DNAH11: variants seen among roughly 807,000 people sequenced by gnomAD.
DNAH11 encodes axonemal beta dynein heavy chain 11.
In DNAH11, 442 loss-of-function variants were observed where a neutral mutation model predicts 526.0. The observed-to-expected ratio is 0.84, with a 90% CI of 0.78 to 0.91. The LOEUF is 0.91. Ranked by LOEUF, DNAH11 falls within the 40% of genes least tolerant of loss-of-function variation. The pLI is 0.00. For missense variants in DNAH11, 6,989 were observed against 5,448.7 expected (o/e 1.28, Z -8.90); for synonymous variants, 2,461 against 1,935.9 (o/e 1.27, Z -7.12).
In DNAH11 at chr7:21,710,668, A is replaced by T; in HGVS notation, c.6799A>T (p.Ile2267Phe). The change falls in exon 41 of 82, where the codon ATT (isoleucine) becomes TTT (phenylalanine). Residue 2267 changes from isoleucine (I) to phenylalanine (F), a missense_variant. Ile to Phe is a conservative substitution (Grantham distance 21). Coordinates refer to ENST00000409508, the MANE Select transcript of DNAH11 (RefSeq NM_001277115.2). ...VLDGDIDPMW[I>F]ESLNTVMDDN... ...GGATGGCGATATTGACCCCATGTGG[A>T]TTGAATCACTGAATACTGTAATGGA... 1 of 1,613,162 alleles carries T rather than the reference A, an allele frequency of 6.2e-7. No individual in the cohort carries two copies. The highest frequency in any genetic ancestry group is 1.1e-5 in the South Asian group (1 of 90,936).
intron 35 of DNAH11, 116 bp downstream of exon 35, chr7:21,690,997 G>C: frequency 1.4e-6 from 1 of 721,332 alleles, no homozygotes; most frequent in Non-Finnish European, 2.4e-6. Flanking sequence ...AATCCTATAT[G>C]ATTTCCTTGG....
chr7:21,750,513 A>G, intron 54 of DNAH11, 149 bp downstream of exon 54: 2 of 1,098,890 alleles, frequency 1.8e-6, no homozygotes, highest in Admixed American at 5.1e-5. Flanking sequence ...TCTGGAGCGT[A>G]CCTTCCTAAA....
chr7:21,698,245 T>A (rs1216763450), intron 36 of DNAH11, 32 bp downstream of exon 36: 1 of 1,609,614 alleles, frequency 6.2e-7, no homozygotes, highest in South Asian at 1.1e-5. Flanking sequence ...TTTCTTGTTT[T>A]TACATACCAT....
chr7:21,586,141 A>G (rs1784472271), intron 9 of DNAH11, among the ~76,000 whole-genome samples: 2 of 152,046 alleles, frequency 1.3e-5, no homozygotes. Flanking sequence ...TTCTCTATGT[A>G]TTTTCTCTTG....
intron 73 of DNAH11, among the ~76,000 whole-genome samples, chr7:21,872,586 A>C (rs10254192): frequency 0.81 from 123,253 of 152,136 alleles, 50,629 homozygotes; most frequent in African/African-American, 0.85. Context: ...CCAAGCTATA[A>C]CCTGTAGGTG....
At chr7:21,742,255 AAC>A (rs1347468122) in intron 49 of DNAH11, 89 bp downstream of exon 49, 4 of 1,405,216 alleles carry the variant, frequency 2.8e-6, no homozygotes, top group Non-Finnish European at 3.9e-6. Flanking sequence ...ACTATAGAGA[AAC>A]ACCTGAGGCT....
intron 81 of DNAH11, among the ~76,000 whole-genome samples, 158 bp downstream of exon 81, chr7:21,900,278 G>A (rs1423979775): frequency 1.4e-5 from 2 of 144,470 alleles, no homozygotes; most frequent in African/African-American, 5.0e-5. Flanking sequence ...TAAGTGCTGG[G>A]ATGTGTGTCC....
intron 63 of DNAH11, among the ~76,000 whole-genome samples, chr7:21,808,628 A>T (rs1298230291): frequency 6.6e-6 from 1 of 152,204 alleles, no homozygotes. Context: ...ATGTAAGAAC[A>T]TACGATATTT....
intron 41 of DNAH11, among the ~76,000 whole-genome samples, 172 bp downstream of exon 41, chr7:21,710,875 A>C (rs1784440816): frequency 6.6e-6 from 1 of 152,220 alleles, no homozygotes; most frequent in African/African-American, 2.4e-5. Flanking sequence ...TCACCATTAA[A>C]GAATTTCAAG....
chr7:21,780,046 A>G (rs1787871577), intron 57 of DNAH11, among the ~76,000 whole-genome samples: 1 of 150,796 alleles, frequency 6.6e-6, no homozygotes, highest in African/African-American at 2.4e-5. Context: ...TCCAATGCAT[A>G]TTGAGCATGT....
Position 21,681,527 on chromosome 7 carries a change from A to C in DNAH11, c.5329-19A>C, listed in dbSNP as rs748084989. On this transcript the variant is annotated intron_variant, in intron 30 of 81. Transcript: ENST00000409508. The stretch of plus-strand genomic sequence containing the variant: ...TATTTGTAACCCTTCTCTCCTTTTT[A>C]AAAAATGATTCCTTCTAGATTTCTC... 1 of 1,609,812 alleles carries C rather than the reference A, an allele frequency of 6.2e-7. No individual in the cohort carries two copies. The highest frequency in any genetic ancestry group is 1.1e-5 in the South Asian group (1 of 90,448).
At chr7:21,780,450 C>A (rs984840440) in intron 57 of DNAH11, among the ~76,000 whole-genome samples, 30 of 152,156 alleles carry the variant, frequency 2.0e-4, no homozygotes, top group African/African-American at 7.0e-4. Context: ...ATGATACAGT[C>A]ACCGTTAGCT....
intron 42 of DNAH11, among the ~76,000 whole-genome samples, chr7:21,712,931 A>C (rs1174520967): frequency 6.6e-6 from 1 of 152,244 alleles, no homozygotes; most frequent in Admixed American, 6.5e-5. Context: ...GAACTCAGTA[A>C]ATATTTGTTG....
chr7:21,710,984 G>A (rs1382168391), intron 41 of DNAH11, among the ~76,000 whole-genome samples: 1 of 152,124 alleles, frequency 6.6e-6, no homozygotes, highest in Non-Finnish European at 1.5e-5. Flanking sequence ...TTTCTAAGAG[G>A]TAGCCGTAAA....
At chr7:21,753,078 C>T (rs1011093833) in intron 54 of DNAH11, among the ~76,000 whole-genome samples, 1 of 152,206 alleles carries the variant, frequency 6.6e-6, no homozygotes, top group Non-Finnish European at 1.5e-5. Context: ...AAGCCTCTCA[C>T]AATAGCAAGT....
chr7:21,768,884 A>G (rs959482313), intron 55 of DNAH11, among the ~76,000 whole-genome samples: 1 of 152,244 alleles, frequency 6.6e-6, no homozygotes, highest in Non-Finnish European at 1.5e-5. Flanking sequence ...CAGAGTTTCT[A>G]TCATATTAAT....
chr7:21,659,739 C>G (rs1782165817), intron 30 of DNAH11, among the ~76,000 whole-genome samples: 1 of 152,074 alleles, frequency 6.6e-6, no homozygotes, highest in African/African-American at 2.4e-5. Context: ...GTACCTTCTT[C>G]CTGGTACTGA....
At chr7:21,740,851 C>T (rs1230738713) in intron 48 of DNAH11, among the ~76,000 whole-genome samples, 1 of 152,194 alleles carries the variant, frequency 6.6e-6, no homozygotes, top group Non-Finnish European at 1.5e-5. Flanking sequence ...AATAGTGCAT[C>T]AGGGTCCCAG....
intron 12 of DNAH11, 134 bp downstream of exon 12, chr7:21,589,537 C>A: frequency 1.5e-6 from 1 of 651,770 alleles, no homozygotes; most frequent in East Asian, 2.9e-5. Flanking sequence ...TAAACAATTT[C>A]TTACAGGTCT....
Sources: gnomAD v4.1 joint callset for allele counts (sites outside exome capture counted in the v4.1 genomes callset) on GRCh38, gnomAD v4.1.1 for gene constraint, MANE v1.5 for transcripts, NCBI Gene and HGNC (gene_info 2026-07-23, HGNC 2026-07-21) for gene names.